The following ADGRG7 variants were observed in gnomAD, a reference collection of about 807,000 sequenced individuals.
ADGRG7 encodes the protein G-protein coupled receptor 128.
In ADGRG7, 82 loss-of-function variants were observed where a neutral mutation model predicts 88.6. That is an observed-to-expected ratio of 0.93 (90% CI 0.77 to 1.11). The LOEUF is 1.11. ADGRG7 is among the 50% of genes most tolerant of loss of function. The pLI is 0.00. For missense variants in ADGRG7, 945 were observed against 953.4 expected (o/e 0.99, Z 0.12); for synonymous variants, 381 against 345.2 (o/e 1.10, Z -1.15).
intron 6 of ADGRG7, among the ~76,000 whole-genome samples, chr3:100,640,132 T>A (rs1022131751): frequency 2.0e-5 from 3 of 152,218 alleles, no homozygotes; most frequent in Non-Finnish European, 4.4e-5. Flanking sequence ...TAGCTCTCTT[T>A]AGGAGAATAC....
Position 100,664,091 on chromosome 3 carries a change from T to A in ADGRG7, c.1979+4248T>A, listed in dbSNP as rs143120819. ...CAATTCAAGCAGATAGTCGGAATTT[T>A]TAAAATATGAAGTTGATTTTATTAT... is the stretch of plus-strand genomic sequence containing the variant. On this transcript the variant is annotated intron_variant, in intron 14 of 15. Transcript: ENST00000273352. 3.4e-3 allele frequency among the ~76,000 whole-genome samples: 516 copies of A among 152,216 alleles called. 5 individuals are homozygous for A. The highest frequency in any genetic ancestry group is 5.0e-3 in the Non-Finnish European group (338 of 67,954).
intron 1 of ADGRG7, among the ~76,000 whole-genome samples, chr3:100,617,014 A>G (rs1198068103): frequency 6.6e-6 from 1 of 152,202 alleles, no homozygotes. Flanking sequence ...AGAAGAGAAT[A>G]GAAAATATGG....
intron 14 of ADGRG7, among the ~76,000 whole-genome samples, chr3:100,667,326 C>T (rs2094953130): frequency 6.6e-6 from 1 of 152,138 alleles, no homozygotes; most frequent in African/African-American, 2.4e-5. Flanking sequence ...TTATCCCTCC[C>T]CTAGCCCCCA....
At chr3:100,645,665 T>C (rs1333050412) in intron 8 of ADGRG7, among the ~76,000 whole-genome samples, 1 of 152,080 alleles carries the variant, frequency 6.6e-6, no homozygotes, top group Non-Finnish European at 1.5e-5. Context: ...ATCTTTGCAA[T>C]ACCTTTTTGA....
intron 1 of ADGRG7, among the ~76,000 whole-genome samples, chr3:100,612,473 G>A (rs911046289): frequency 1.3e-5 from 2 of 152,110 alleles, no homozygotes; most frequent in Admixed American, 6.5e-5. Context: ...TAGCTTTTGG[G>A]CCCCTTCACT....
intron 14 of ADGRG7, among the ~76,000 whole-genome samples, chr3:100,666,041 C>A (rs1425000007): frequency 6.6e-6 from 1 of 151,294 alleles, no homozygotes; most frequent in Non-Finnish European, 1.5e-5. Flanking sequence ...TATTAATGAT[C>A]AAGGATGACT....
intron 1 of ADGRG7, among the ~76,000 whole-genome samples, chr3:100,623,423 G>A (rs1707340191): frequency 6.6e-6 from 1 of 152,060 alleles, no homozygotes. Context: ...CTTCATTGAT[G>A]TATTTGTCTA....
chr3:100,637,289 T>A lies in ADGRG7; in HGVS notation c.598-13T>A. 9 of 1,558,342 alleles carry A rather than the reference T, an allele frequency of 5.8e-6. No homozygotes were observed. Among genetic ancestry groups the A allele is most frequent in the Non-Finnish European group, 8.0e-6 (9 of 1,129,528 alleles). The stretch of plus-strand genomic sequence containing the variant: ...ATATGCTTCTCTGATGATCAGTATC[T>A]TCTCTTTGGCAGGCAAAGAAAGTTG... On this transcript the variant is annotated splice_polypyrimidine_tract_variant and intron_variant, in intron 5 of 15. Transcript: ENST00000273352.
intron 15 of ADGRG7, among the ~76,000 whole-genome samples, chr3:100,681,645 C>G (rs969590395): frequency 6.6e-6 from 1 of 152,136 alleles, no homozygotes; most frequent in Non-Finnish European, 1.5e-5. Flanking sequence ...TTTCTCTTTA[C>G]ACTCCTCACT....
chr3:100,675,315 A>G (rs907929250), intron 15 of ADGRG7, among the ~76,000 whole-genome samples: 3 of 152,058 alleles, frequency 2.0e-5, no homozygotes, highest in African/African-American at 7.3e-5. Context: ...GTGATGTTGA[A>G]TTTTATAAAA....
chr3:100,675,442 T>C (rs549245410), intron 15 of ADGRG7, among the ~76,000 whole-genome samples: 10 of 152,230 alleles, frequency 6.6e-5, no homozygotes, highest in Admixed American at 1.3e-4. Flanking sequence ...CTGGGATAAA[T>C]TCTACTTTGT....
intron 14 of ADGRG7, among the ~76,000 whole-genome samples, chr3:100,667,912 G>A (rs1056890331): frequency 4.6e-5 from 7 of 152,196 alleles, no homozygotes; most frequent in Admixed American, 1.3e-4. Flanking sequence ...AACCCAGGGC[G>A]CTGGTGAGGC....
chr3:100,641,792 A>AT (rs1349058157), intron 6 of ADGRG7, among the ~76,000 whole-genome samples: 1 of 152,220 alleles, frequency 6.6e-6, no homozygotes. Flanking sequence ...AACAGGAAGA[A>AT]TTAGCCTCTT....
chr3:100,660,952 C>CAAA (rs112296437), intron 14 of ADGRG7, among the ~76,000 whole-genome samples: 2,350 of 96,884 alleles, frequency 0.024, 54 homozygotes, highest in African/African-American at 0.077. Context: ...AACTCCATCT[C>CAAA]AAAAAAAAAA....
At position 100,629,613 on chromosome 3, in the gene ADGRG7, C is replaced by T. The variant is rs1320603780; in HGVS notation, c.131C>T (p.Ser44Leu). The change falls in exon 2 of 16, where the codon TCA (serine) becomes TTA (leucine). Residue 44 changes from serine (S) to leucine (L), a missense_variant. Coordinates refer to ENST00000273352, the MANE Select transcript of ADGRG7 (RefSeq NM_032787.3). ...IRIQRGKSTS[S>L]SSTPTEFCRN... Reference sequence around the variant, plus strand: ...GTTTCTTTAGGAAAATCTACTTCCTCATCAAGCACCCCTACAGAGTTCTGC... The same window carrying T: ...GTTTCTTTAGGAAAATCTACTTCCTTATCAAGCACCCCTACAGAGTTCTGC... 16 of 1,612,144 alleles carry T rather than the reference C, an allele frequency of 9.9e-6. No homozygotes were observed. The Admixed American group carries it at 2.7e-4, about 27-fold the overall frequency.
At chr3:100,680,492 C>G (rs944494947) in intron 15 of ADGRG7, among the ~76,000 whole-genome samples, 2 of 151,998 alleles carry the variant, frequency 1.3e-5, no homozygotes, top group Non-Finnish European at 2.9e-5. Context: ...TACCATTTTC[C>G]TATTTGTTTT....
Position 100,687,692 on chromosome 3 carries a change from T to C in ADGRG7, c.2137-7052T>C, listed in dbSNP as rs551980660. Among the ~76,000 whole-genome samples, 5 of 152,368 alleles carry C rather than the reference T, an allele frequency of 3.3e-5. No homozygotes were observed. The South Asian group carries it at 1.0e-3, about 32-fold the overall frequency. On this transcript the variant is annotated intron_variant, in intron 15 of 15. Transcript: ENST00000273352. ...GCTGGATTATGTTTATTGATTTTCG[T>C]ATGTTGAACCAGCTTTGCATCCAAC...
chr3:100,637,002 T>A (rs1707554353), intron 5 of ADGRG7, among the ~76,000 whole-genome samples: 1 of 152,184 alleles, frequency 6.6e-6, no homozygotes, highest in African/African-American at 2.4e-5. Context: ...ATCCAAGCAT[T>A]TGATTTTGTG....
At chr3:100,652,757 ACAC>A (rs1236301114) in intron 11 of ADGRG7, among the ~76,000 whole-genome samples, 2 of 152,072 alleles carry the variant, frequency 1.3e-5, no homozygotes, top group Non-Finnish European at 2.9e-5. Flanking sequence ...ACATACACAC[ACAC>A]CACACCATAT....
Sources: gnomAD v4.1 joint callset for allele counts (sites outside exome capture counted in the v4.1 genomes callset) on GRCh38, gnomAD v4.1.1 for gene constraint, MANE v1.5 for transcripts, NCBI Gene and HGNC (gene_info 2026-07-23, HGNC 2026-07-21) for gene names.